Variants in TMEM108 observed in about 807,000 individuals in gnomAD.
The protein encoded by TMEM108 is transmembrane protein 108, also known as cancer/testis antigen 124.
Under a neutral mutation model 35.1 loss-of-function variants are expected in TMEM108, and 12 were observed. That is an observed-to-expected ratio of 0.34 (90% confidence interval 0.22 to 0.55). The LOEUF (loss-of-function observed/expected upper bound fraction) is 0.55, where lower values mean the gene tolerates loss of function less well. Among genes scored for constraint, TMEM108 ranks in the 20% least tolerant of loss-of-function variants. TMEM108 has a pLI of 0.89. For synonymous variants in TMEM108, 287 were observed against 308.6 expected, an observed-to-expected ratio of 0.93 and a Z score of 0.73; for missense variants, 680 against 753.3, an observed-to-expected ratio of 0.90 and a Z score of 1.14.
intron 3 of TMEM108, among the ~76,000 whole-genome samples, chr3:133,331,626 G>C (rs964997945): frequency 7.2e-5 from 11 of 152,214 alleles, no homozygotes; most frequent in Non-Finnish European, 1.5e-4. Flanking sequence ...CTATGTCAGT[G>C]CCATTTATAG....
chr3:133,070,646 A>G (rs1006395733), intron 2 of TMEM108, among the ~76,000 whole-genome samples: 1 of 152,128 alleles, frequency 6.6e-6, no homozygotes, highest in Non-Finnish European at 1.5e-5. Flanking sequence ...CATTCTTTGT[A>G]ACAAAGCAAT....
At chr3:133,135,156 CGT>C (rs1491276140) in intron 2 of TMEM108, among the ~76,000 whole-genome samples, 4 of 139,940 alleles carry the variant, frequency 2.9e-5, no homozygotes, top group African/African-American at 1.1e-4. Context: ...CATCTGCTAT[CGT>C]TTTTTTTTTT....
chr3:133,163,078 G>T (rs183148231), intron 2 of TMEM108, among the ~76,000 whole-genome samples: 1 of 152,140 alleles, frequency 6.6e-6, no homozygotes, highest in African/African-American at 2.4e-5. Flanking sequence ...TCAGTTCTCC[G>T]TTGCTTTTAC....
At chr3:133,140,488 A>G (rs1365758823) in intron 2 of TMEM108, among the ~76,000 whole-genome samples, 2 of 152,200 alleles carry the variant, frequency 1.3e-5, no homozygotes, top group Admixed American at 1.3e-4. Context: ...GAATTTTGCA[A>G]TTCAGAGGAC....
intron 2 of TMEM108, among the ~76,000 whole-genome samples, chr3:133,080,529 T>C (rs930305866): frequency 2.0e-5 from 3 of 152,216 alleles, no homozygotes; most frequent in African/African-American, 7.2e-5. Context: ...CTCAAACACT[T>C]TCTCCCCTGG....
intron 3 of TMEM108, among the ~76,000 whole-genome samples, chr3:133,377,325 C>T (rs112154024): frequency 0.065 from 9,911 of 152,128 alleles, 471 homozygotes; most frequent in African/African-American, 0.13. Context: ...CACCACTAGC[C>T]CTAGGAATAG....
chr3:133,292,623 T>C (rs1174033951), intron 3 of TMEM108, among the ~76,000 whole-genome samples: 1 of 152,226 alleles, frequency 6.6e-6, no homozygotes, highest in Non-Finnish European at 1.5e-5. Flanking sequence ...TGGTTTTGTT[T>C]CAGAGCCTGC....
intron 3 of TMEM108, 180 bp from the exon 4 acceptor site, chr3:133,379,572 A>C: frequency 1.5e-6 from 1 of 647,728 alleles, no homozygotes; most frequent in Non-Finnish European, 2.7e-6. Flanking sequence ...GCACCTACCT[A>C]ATAGACCTGC....
chr3:133,156,701 T>C (rs1249547942), intron 2 of TMEM108, among the ~76,000 whole-genome samples: 1 of 152,226 alleles, frequency 6.6e-6, no homozygotes, highest in African/African-American at 2.4e-5. Flanking sequence ...AATGTCCACC[T>C]CTGTGCCTTT....
Position 133,370,258 on chromosome 3 carries a change from G to T in TMEM108, c.41-9494G>T, listed in dbSNP as rs114332983. ...TACACTCCCCTTGGCTGTGACAGCT[G>T]CTCAGACCTTCTTTGCTTCTGACCC... On this transcript the variant is annotated intron_variant, in intron 3 of 5. Transcript: ENST00000321871. 6.2e-3 allele frequency among the ~76,000 whole-genome samples: 936 copies of T among 150,770 alleles called. 7 individuals carry two copies. The highest frequency in any genetic ancestry group is 0.022 in the African/African-American group (887 of 40,864).
chr3:133,273,894 G>C (rs1946804573), intron 3 of TMEM108, among the ~76,000 whole-genome samples: 1 of 152,160 alleles, frequency 6.6e-6, no homozygotes, highest in Non-Finnish European at 1.5e-5. Context: ...AGACCAAGCA[G>C]TCTTATAGGA....
At chr3:133,142,324 A>T (rs550175582) in intron 2 of TMEM108, among the ~76,000 whole-genome samples, 1 of 152,214 alleles carries the variant, frequency 6.6e-6, no homozygotes, top group South Asian at 2.1e-4. Flanking sequence ...AAAGCAGAAT[A>T]TGAGACTAGC....
rs555083061 is a variant in TMEM108, at chr3:133,217,421, G to T, written c.-46-11845G>T. 1.1e-4 allele frequency among the ~76,000 whole-genome samples: 16 copies of T among 151,924 alleles called. No individual in the cohort carries two copies. The South Asian group carries it at 2.7e-3, about 26-fold the overall frequency. ...TGTTTCTTTTGCTGTATAAAAGCTT[G>T]TTTGTTTGATGTAATCTGATTTGTT... On this transcript the variant is annotated intron_variant, in intron 2 of 5. Transcript: ENST00000321871.
intron 2 of TMEM108, among the ~76,000 whole-genome samples, chr3:133,122,095 G>T (rs550281355): frequency 6.6e-6 from 1 of 151,920 alleles, no homozygotes; most frequent in African/African-American, 2.4e-5. Flanking sequence ...TTTAATTCTT[G>T]TTGTATATGT....
chr3:133,367,557 C>T (rs2072536625), intron 3 of TMEM108, among the ~76,000 whole-genome samples: 1 of 152,238 alleles, frequency 6.6e-6, no homozygotes, highest in Non-Finnish European at 1.5e-5. Flanking sequence ...TGAGCTGTTT[C>T]GTTCCAGGCA....
intron 3 of TMEM108, among the ~76,000 whole-genome samples, chr3:133,349,586 A>C (rs1332311054): frequency 7.5e-6 from 1 of 132,544 alleles, no homozygotes; most frequent in Non-Finnish European, 1.7e-5. Context: ...TAAGGAACTT[A>C]ATAGCAAAAA....
chr3:133,067,094 C>T (rs942553991), intron 2 of TMEM108, among the ~76,000 whole-genome samples: 1 of 152,136 alleles, frequency 6.6e-6, no homozygotes, highest in Admixed American at 6.5e-5. Context: ...TGGTATGACT[C>T]CCTTTTGTAT....
intron 2 of TMEM108, among the ~76,000 whole-genome samples, chr3:133,067,130 G>T (rs1943617773): frequency 6.6e-6 from 1 of 152,118 alleles, no homozygotes; most frequent in Non-Finnish European, 1.5e-5. Context: ...ATATGTGTGA[G>T]ACTTTCTCTA....
intron 2 of TMEM108, among the ~76,000 whole-genome samples, chr3:133,060,756 C>A (rs1943525414): frequency 6.6e-6 from 1 of 152,136 alleles, no homozygotes; most frequent in African/African-American, 2.4e-5. Context: ...TACACCTTGA[C>A]CCAGCAATTC....
Sources: gnomAD v4.1 joint callset for allele counts (sites outside exome capture counted in the v4.1 genomes callset) on GRCh38, gnomAD v4.1.1 for gene constraint, MANE v1.5 for transcripts, NCBI Gene and HGNC (gene_info 2026-07-23, HGNC 2026-07-21) for gene names.